The following NARS2 variants were observed in gnomAD, a reference collection of about 807,000 sequenced individuals.
NARS2 encodes asparaginyl-tRNA synthetase 2, mitochondrial.
A neutral mutation model predicts 62.9 loss-of-function variants in NARS2; 60 were observed. The ratio of observed to expected loss-of-function variants is 0.95; its 90% CI spans 0.77 to 1.18. The LOEUF is 1.18. NARS2 is among the 50% of genes most tolerant of loss of function. The pLI, the probability that NARS2 is intolerant of heterozygous loss-of-function variation, is 0.00. For synonymous variants in NARS2, 196 were observed against 200.0 expected (o/e 0.98, Z 0.17); for missense variants, 619 against 576.4 (o/e 1.07, Z -0.76).
intron 9 of NARS2, among the ~76,000 whole-genome samples, chr11:78,469,716 T>C (rs950387866): frequency 4.6e-5 from 7 of 152,082 alleles, no homozygotes; most frequent in African/African-American, 1.4e-4. Context: ...GAGATAAAAA[T>C]AAAGCTCAGC....
chr11:78,480,902 G>A (rs542562725), intron 7 of NARS2, among the ~76,000 whole-genome samples: 2 of 151,440 alleles, frequency 1.3e-5, no homozygotes, highest in East Asian at 1.9e-4. Context: ...CACTGCAGCC[G>A]CCATCTCCCA....
At chr11:78,555,813 G>C (rs566058497) in intron 5 of NARS2, among the ~76,000 whole-genome samples, 2 of 152,016 alleles carry the variant, frequency 1.3e-5, no homozygotes, top group African/African-American at 2.4e-5. Flanking sequence ...TGATGTGGGC[G>C]TTTAGTGCTA....
At chr11:78,544,967 TAGC>T (rs1045943852) in intron 5 of NARS2, among the ~76,000 whole-genome samples, 3 of 152,026 alleles carry the variant, frequency 2.0e-5, no homozygotes, top group Admixed American at 1.3e-4. Context: ...TCATCACAAA[TAGC>T]AAACTGTTCA....
In NARS2 at chr11:78,566,200, T is replaced by C. The variant is rs1856737159; in HGVS notation, c.445A>G (p.Thr149Ala). Residue 149 changes from threonine to alanine, a missense_variant, in exon 4 of 14, where the codon ACT (threonine) becomes GCT (alanine). Transcript: ENST00000281038. Reference sequence around the variant, plus strand: ...CTCAATATAGAACCCAGAACGTTAGTCCTACACCTAAAGTGAGGATATTGT... The same window carrying C: ...CTCAATATAGAACCCAGAACGTTAGCCCTACACCTAAAGTGAGGATATTGT... ...LRQYPHFRCR[T>A]NVLGSILRIR... The C allele has an allele frequency of 5.6e-6, 9 of 1,613,000 alleles. No homozygotes were observed. The highest frequency in any genetic ancestry group is 5.1e-6 in the Non-Finnish European group (6 of 1,179,228).
intron 12 of NARS2, 126 bp downstream of exon 12, chr11:78,443,535 G>A (rs1256315318): frequency 3.7e-6 from 2 of 535,444 alleles, no homozygotes; most frequent in South Asian, 3.0e-5. Flanking sequence ...AGGACATAGA[G>A]AATCTGAGAT....
chr11:78,518,645 G>A (rs1255637247), intron 6 of NARS2, among the ~76,000 whole-genome samples: 1 of 152,092 alleles, frequency 6.6e-6, no homozygotes, highest in Non-Finnish European at 1.5e-5. Flanking sequence ...AGCCTCTGGA[G>A]TAGCTGGGAC....
At chr11:78,441,058 T>C (rs1161978585) in intron 13 of NARS2, 33 bp downstream of exon 13, 1 of 1,602,570 alleles carries the variant, frequency 6.2e-7, no homozygotes, top group East Asian at 2.2e-5. Flanking sequence ...GACAAGCAGC[T>C]AGAGTAAGAA....
At chr11:78,568,566 ACTTAAAACAGATTGCTGT>A in intron 3 of NARS2, 48 bp downstream of exon 3, 1 of 1,541,218 alleles carries the variant, frequency 6.5e-7, no homozygotes, top group African/African-American at 1.4e-5. Context: ...TAATAATCAC[ACTTAAAACAGATTGCTGT>A]CTTAATTAAA....
chr11:78,455,081 CT>C (rs1858109553), intron 11 of NARS2, among the ~76,000 whole-genome samples: 1 of 152,118 alleles, frequency 6.6e-6, no homozygotes, highest in Admixed American at 6.5e-5. Flanking sequence ...TCTTATGTGT[CT>C]TTAATTCCCC....
intron 7 of NARS2, among the ~76,000 whole-genome samples, chr11:78,482,256 G>C (rs913216520): frequency 1.3e-5 from 2 of 152,094 alleles, no homozygotes; most frequent in African/African-American, 2.4e-5. Context: ...AGTGTTAAGA[G>C]GGAAGTTTAT....
intron 11 of NARS2, among the ~76,000 whole-genome samples, chr11:78,449,030 A>C (rs539531429): frequency 6.6e-6 from 1 of 152,092 alleles, no homozygotes; most frequent in African/African-American, 2.4e-5. Context: ...GTGCAACCAC[A>C]CTGACTTTTC....
chr11:78,479,525 A>T (rs1251530494), intron 7 of NARS2, among the ~76,000 whole-genome samples: 3 of 152,184 alleles, frequency 2.0e-5, no homozygotes, highest in African/African-American at 4.8e-5. Flanking sequence ...ACAACAAAAA[A>T]AAGTATTCTA....
chr11:78,551,858 A>C (rs1159319280), intron 5 of NARS2, among the ~76,000 whole-genome samples: 1 of 152,004 alleles, frequency 6.6e-6, no homozygotes, highest in Non-Finnish European at 1.5e-5. Context: ...TCTCAAAAAA[A>C]AACAAAAAAC....
intron 6 of NARS2, among the ~76,000 whole-genome samples, chr11:78,518,029 GTGGGCTCAACACTATAGTACA>G (rs1860976848): frequency 6.6e-6 from 1 of 152,138 alleles, no homozygotes; most frequent in Admixed American, 6.5e-5. Context: ...AACTCCCATT[GTGGGCTCAACACTATAGTACA>G]GTCGGCCCTC....
intron 11 of NARS2, among the ~76,000 whole-genome samples, chr11:78,456,163 A>C (rs1858156741): frequency 6.6e-6 from 1 of 152,160 alleles, no homozygotes; most frequent in African/African-American, 2.4e-5. Context: ...CTACCAAAAG[A>C]CTTAGGAGGC....
intron 6 of NARS2, among the ~76,000 whole-genome samples, chr11:78,507,564 G>C (rs1358854020): frequency 6.8e-6 from 1 of 146,122 alleles, no homozygotes; most frequent in African/African-American, 2.5e-5. Flanking sequence ...CTGTTGCCCA[G>C]GCTGGAGTGC....
chr11:78,492,484 C>G (rs765072385), intron 7 of NARS2, among the ~76,000 whole-genome samples: 3 of 152,166 alleles, frequency 2.0e-5, no homozygotes, highest in Non-Finnish European at 2.9e-5. Flanking sequence ...AAAGTTCAAA[C>G]TCCTTACTAT....
At chr11:78,467,897 G>GACC (rs1244176773) in intron 10 of NARS2, among the ~76,000 whole-genome samples, 1 of 151,940 alleles carries the variant, frequency 6.6e-6, no homozygotes, top group Non-Finnish European at 1.5e-5. Context: ...ACCTAGGCTG[G>GACC]AGGGCTGTAG....
chr11:78,472,728 T>C (rs906597063), intron 9 of NARS2, among the ~76,000 whole-genome samples: 1 of 152,210 alleles, frequency 6.6e-6, no homozygotes, highest in East Asian at 1.9e-4. Flanking sequence ...TCTTTCGCCA[T>C]CTCCCTGTTT....
Sources: allele counts gnomAD v4.1 joint callset (sites outside exome capture counted in the v4.1 genomes callset), GRCh38; gene constraint gnomAD v4.1.1; transcripts MANE v1.5; gene names NCBI Gene and HGNC (gene_info 2026-07-23, HGNC 2026-07-21).